MYPN: variants seen among roughly 807,000 people sequenced by gnomAD.
MYPN encodes the protein myopalladin.
A neutral mutation model predicts 129.4 loss-of-function variants in MYPN; 63 were observed. The observed-to-expected ratio is 0.49, with a 90% confidence interval of 0.40 to 0.60. MYPN has a LOEUF of 0.60. Ranked by LOEUF, MYPN falls within the 20% of genes least tolerant of loss-of-function variation. The pLI is 0.00. For missense variants in MYPN, 1,596 were observed against 1,635.4 expected (o/e 0.98, Z 0.42); for synonymous variants, 629 against 600.9 (o/e 1.05, Z -0.68).
At chr10:68,144,484 A>G (rs76018145) in intron 3 of MYPN, among the ~76,000 whole-genome samples, 3,988 of 152,314 alleles carry the variant, frequency 0.026, 95 homozygotes, top group African/African-American at 0.058. Flanking sequence ...ATACATGAAT[A>G]GAAATGTGTT....
upstream of MYPN, chr10:68,109,335 A>C (rs2042049832): frequency 3.3e-6 from 1 of 307,228 alleles, no homozygotes; most frequent in African/African-American, 2.2e-5. Flanking sequence ...TCTAGCTATA[A>C]GGGAAATTCT....
intron 1 of MYPN, among the ~76,000 whole-genome samples, chr10:68,098,801 C>A (rs547277173): frequency 4.6e-4 from 70 of 152,210 alleles, no homozygotes; most frequent in African/African-American, 1.6e-3. Flanking sequence ...TGAGATCATG[C>A]CATTGCACTC....
At chr10:68,164,900 A>G (rs1367611708) in intron 8 of MYPN, among the ~76,000 whole-genome samples, 1 of 152,226 alleles carries the variant, frequency 6.6e-6, no homozygotes, top group Admixed American at 6.5e-5. Context: ...GTAAAGCAAA[A>G]TATTTATTTG....
In MYPN at chr10:68,158,659, T is replaced by C. The variant is rs767438576; in HGVS notation, c.1459+32T>C. On this transcript the variant is annotated intron_variant, in intron 7 of 19. Coordinates refer to ENST00000358913, the MANE Select transcript of MYPN (RefSeq NM_032578.4). ...TAATACTTTAAATTATTTTCTGATA[T>C]TTTGTTTTTATGAACTTATTGTACA... 11 of 1,490,148 alleles carry C rather than the reference T, an allele frequency of 7.4e-6. No homozygotes were observed. The African/African-American group carries it at 1.3e-4, about 17-fold the overall frequency. The allele number at this position is 1,490,148 out of a possible 1,614,324, so 92.3% of individuals were successfully genotyped here.
intron 1 of MYPN, among the ~76,000 whole-genome samples, chr10:68,113,982 A>C (rs10997935): frequency 6.6e-6 from 1 of 151,952 alleles, no homozygotes; most frequent in Non-Finnish European, 1.5e-5. Context: ...GTACAGCAAG[A>C]CTCCATAATT....
intron 6 of MYPN, among the ~76,000 whole-genome samples, chr10:68,150,976 G>A (rs1176641977): frequency 1.3e-5 from 2 of 152,092 alleles, no homozygotes; most frequent in African/African-American, 4.8e-5. Flanking sequence ...GGTTAATTTT[G>A]CCCTTCAGAG....
At chr10:68,189,232 G>A (rs909453326) in intron 13 of MYPN, 106 bp downstream of exon 13, 2 of 819,064 alleles carry the variant, frequency 2.4e-6, no homozygotes, top group Non-Finnish European at 4.1e-6. Flanking sequence ...CTTCTTTTTT[G>A]TATTTGTTAT....
In MYPN at chr10:68,112,664, T is replaced by A. The variant is rs560222668; in HGVS notation, c.-2+2941T>A. On this transcript the variant is annotated intron_variant, in intron 1 of 19. Coordinates refer to ENST00000358913, the MANE Select transcript of MYPN (RefSeq NM_032578.4). ...TCTTTTCTTCTTTCAAACTGAAAAA[T>A]TTTTGAGATAATGTGTCTTATATGA... Among the ~76,000 whole-genome samples the A allele has an allele frequency of 3.0e-4, 46 of 152,348 alleles. 2 individuals are homozygous for A. The South Asian group carries it at 9.5e-3, about 32-fold the overall frequency.
At chr10:68,114,716 A>G (rs1232362043) in intron 1 of MYPN, among the ~76,000 whole-genome samples, 1 of 152,146 alleles carries the variant, frequency 6.6e-6, no homozygotes, top group East Asian at 1.9e-4. Flanking sequence ...AGTCCTAGGG[A>G]AAAAAATAGA....
chr10:68,117,594 A>G (rs965108589), intron 1 of MYPN, among the ~76,000 whole-genome samples: 4 of 152,130 alleles, frequency 2.6e-5, no homozygotes, highest in African/African-American at 9.7e-5. Flanking sequence ...AAGAGAATAC[A>G]AAGATCTGAA....
upstream of MYPN, among the ~76,000 whole-genome samples, chr10:68,101,672 C>CA (rs1471176242): frequency 6.6e-6 from 1 of 152,044 alleles, no homozygotes; most frequent in Non-Finnish European, 1.5e-5. Flanking sequence ...TCCAGGTTGA[C>CA]AGTATCTGTC....
chr10:68,120,346 A>AT, intron 1 of MYPN, among the ~76,000 whole-genome samples: 1 of 152,238 alleles, frequency 6.6e-6, no homozygotes, highest in East Asian at 1.9e-4. Flanking sequence ...AAAAATATTT[A>AT]TTTTTTGAAT....
At chr10:68,184,823 G>T (rs1326483849) in intron 12 of MYPN, among the ~76,000 whole-genome samples, 1 of 152,194 alleles carries the variant, frequency 6.6e-6, no homozygotes, top group Non-Finnish European at 1.5e-5. Context: ...TGGCTGGCCA[G>T]CACTAACCAG....
chr10:68,190,439 G>A (rs10823155), intron 13 of MYPN, among the ~76,000 whole-genome samples: 61,634 of 122,742 alleles, frequency 0.5, 13,444 homozygotes, highest in South Asian at 0.56. Context: ...CACCCTGGAG[G>A]CCTCAGCCTC....
chr10:68,088,187 C>G (rs1466660987), intron 1 of MYPN, among the ~76,000 whole-genome samples: 1 of 152,086 alleles, frequency 6.6e-6, no homozygotes, highest in Non-Finnish European at 1.5e-5. Flanking sequence ...TCCCTCTCAC[C>G]TTATTGAATT....
At position 68,098,338 on chromosome 10, in the gene MYPN, C is replaced by T. The variant is rs557518590; in HGVS notation, c.-2+10346C>T. 1.3e-4 allele frequency among the ~76,000 whole-genome samples: 20 copies of T among 152,212 alleles called. No individual in the cohort carries two copies. The South Asian group carries it at 1.9e-3, about 14-fold the overall frequency. The stretch of plus-strand genomic sequence containing the variant: ...ATTACCTGATCGTGGCACTTGGAAA[C>T]GTTCTCTGCCCTTCACTTTCTAAAT... On this transcript the variant is annotated intron_variant, in intron 1 of 6. Transcript: ENST00000685154.
intron 1 of MYPN, among the ~76,000 whole-genome samples, chr10:68,120,489 G>A (rs2042225786): frequency 6.6e-6 from 1 of 152,022 alleles, no homozygotes; most frequent in African/African-American, 2.4e-5. Flanking sequence ...AAAAACCTAG[G>A]CTCTAACTCA....
At chr10:68,173,028 G>A (rs755517306) in intron 10 of MYPN, among the ~76,000 whole-genome samples, 10 of 152,028 alleles carry the variant, frequency 6.6e-5, no homozygotes, top group Non-Finnish European at 1.5e-4. Context: ...AGCCAAGATC[G>A]CACTACTGCA....
At chr10:68,163,642 T>C (rs908893795) in intron 8 of MYPN, among the ~76,000 whole-genome samples, 1 of 151,736 alleles carries the variant, frequency 6.6e-6, no homozygotes, top group African/African-American at 2.4e-5. Context: ...AATAAATAAA[T>C]AAATAAAAAA....
Sources: gnomAD v4.1 joint callset for allele counts (sites outside exome capture counted in the v4.1 genomes callset) on GRCh38, gnomAD v4.1.1 for gene constraint, MANE v1.5 for transcripts, NCBI Gene and HGNC (gene_info 2026-07-23, HGNC 2026-07-21) for gene names.